Variants in TCERG1L observed in about 807,000 individuals in gnomAD.
TCERG1L encodes transcription elongation regulator 1-like protein.
In TCERG1L, 37 loss-of-function variants were observed where a neutral mutation model predicts 56.3. The ratio of observed to expected loss-of-function variants is 0.66; its 90% CI spans 0.51 to 0.87. The LOEUF is 0.87. Among genes scored for constraint, TCERG1L ranks in the 40% least tolerant of loss-of-function variants. The pLI is 0.00. For missense variants in TCERG1L, 799 were observed against 774.2 expected (o/e 1.03, Z -0.38); for synonymous variants, 324 against 326.3 (o/e 0.99, Z 0.08).
At chr10:131,171,006 C>T (rs1846087163) in intron 4 of TCERG1L, among the ~76,000 whole-genome samples, 1 of 152,064 alleles carries the variant, frequency 6.6e-6, no homozygotes, top group African/African-American at 2.4e-5. Context: ...ATTAGCTGGG[C>T]ATGGTGGTGT....
chr10:131,240,429 A>G lies in TCERG1L; in HGVS notation c.856+19830T>C, dbSNP rs189504981. Among the ~76,000 whole-genome samples, 376 of 152,256 alleles carry G rather than the reference A, an allele frequency of 2.5e-3. 5 individuals are homozygous for G. Among genetic ancestry groups the G allele is most frequent in the African/African-American group, 8.4e-3 (350 of 41,530 alleles). ...ATCTGTCTCTTCTTGCACCCCATAA[A>G]TTTCCTGAGAGCAGGGATTCTGGGC... On this transcript the variant is annotated intron_variant, in intron 4 of 11. Coordinates refer to ENST00000368642, the MANE Select transcript of TCERG1L (RefSeq NM_174937.4).
chr10:131,254,099 A>C (rs999550756), intron 4 of TCERG1L, among the ~76,000 whole-genome samples: 22 of 151,938 alleles, frequency 1.4e-4, no homozygotes, highest in Non-Finnish European at 3.2e-4. Flanking sequence ...GGTGGAGGAG[A>C]GCGTCCAGGC....
rs944580263 is a variant in TCERG1L, at chr10:131,264,939, C to T, written c.671-4495G>A. Among the ~76,000 whole-genome samples, 5 of 130,880 alleles carry T rather than the reference C, an allele frequency of 3.8e-5. No homozygotes were observed. In the South Asian group the frequency reaches 7.2e-4, roughly 19 times the overall value. 85.9% of individuals were successfully genotyped at this position (130,880 alleles called of 152,430 possible). On this transcript the variant is annotated intron_variant, in intron 3 of 11. Transcript: ENST00000368642. ...ATCACTCTGGCTCTAGACCTGTGTG[C>T]TGGTCAGTGAGGGAAAGAGAACGGG...
intron 4 of TCERG1L, among the ~76,000 whole-genome samples, chr10:131,214,603 AC>A (rs1845650254): frequency 6.6e-6 from 1 of 152,238 alleles, no homozygotes. Context: ...AATGCCTGAC[AC>A]CCAGGAAGTG....
chr10:131,133,360 C>G (rs192471833), intron 8 of TCERG1L, among the ~76,000 whole-genome samples: 1 of 152,196 alleles, frequency 6.6e-6, no homozygotes, highest in African/African-American at 2.4e-5. Flanking sequence ...AAAACGCATA[C>G]GACACTGAGA....
chr10:131,163,381 G>C lies in TCERG1L; in HGVS notation c.946-171C>G, dbSNP rs555189817. On this transcript the variant is annotated intron_variant, in intron 5 of 11. Coordinates refer to ENST00000368642, the MANE Select transcript of TCERG1L (RefSeq NM_174937.4). ...TGGCTGGGAGGTTCTGCCAGGAACA[G>C]GGAGTCAGTGCAGAGCAGACTGGGT... Among the ~76,000 whole-genome samples, 3 of 152,348 alleles carry C rather than the reference G, an allele frequency of 2.0e-5. No homozygotes were observed. In the South Asian group the frequency reaches 6.2e-4, roughly 32 times the overall value.
intron 4 of TCERG1L, among the ~76,000 whole-genome samples, chr10:131,177,430 G>A (rs757074081): frequency 3.3e-5 from 5 of 152,238 alleles, no homozygotes; most frequent in East Asian, 3.8e-4. Context: ...GTACGTAAAC[G>A]TGAACAAGCA....
rs7098917 is a variant in TCERG1L at position 131,186,859 on chromosome 10, G to A, written c.857-19974C>T. On this transcript the variant is annotated intron_variant, in intron 4 of 11. Transcript: ENST00000368642. Reference sequence around the variant, plus strand: ...TGGTTTTTGTTTTCTCCTCCCCAAGGAGGAAGATAATGTCTCGATTTACCC... The same window carrying A: ...TGGTTTTTGTTTTCTCCTCCCCAAGAAGGAAGATAATGTCTCGATTTACCC... 8.7e-3 allele frequency among the ~76,000 whole-genome samples: 1,325 copies of A among 152,318 alleles called. 18 individuals carry two copies. Among genetic ancestry groups the A allele is most frequent in the African/African-American group, 0.03 (1,252 of 41,578 alleles).
At chr10:131,310,138 T>C (rs761769553) in intron 1 of TCERG1L, among the ~76,000 whole-genome samples, 1 of 152,212 alleles carries the variant, frequency 6.6e-6, no homozygotes, top group Non-Finnish European at 1.5e-5. Flanking sequence ...AAAAGATTAA[T>C]GCTAAGGTTT....
intron 1 of TCERG1L, among the ~76,000 whole-genome samples, chr10:131,310,264 C>T (rs893528932): frequency 6.6e-6 from 1 of 152,110 alleles, no homozygotes. Flanking sequence ...TGATATAACA[C>T]CCCTCCAAAA....
At position 131,171,868 on chromosome 10, in the gene TCERG1L, G is replaced by A. The variant is rs1204474954; in HGVS notation, c.857-4983C>T. Among the ~76,000 whole-genome samples the A allele has an allele frequency of 3.9e-5, 6 of 152,278 alleles. No individual in the cohort carries two copies. The East Asian group carries it at 1.2e-3, about 29-fold the overall frequency. On this transcript the variant is annotated intron_variant, in intron 4 of 11. Coordinates refer to ENST00000368642, the MANE Select transcript of TCERG1L (RefSeq NM_174937.4). ...TTACAGGCGTGAGCCACTGCGCCTG[G>A]CCCAGGAATTTATTTTAACATTCAA...
At chr10:131,227,163 G>A (rs1235747172) in intron 4 of TCERG1L, among the ~76,000 whole-genome samples, 2 of 152,246 alleles carry the variant, frequency 1.3e-5, no homozygotes, top group African/African-American at 4.8e-5. Flanking sequence ...CCTAGCAAGG[G>A]CCTTTGTTTA....
chr10:131,283,173 T>G (rs1343212810), intron 3 of TCERG1L, among the ~76,000 whole-genome samples: 1 of 152,170 alleles, frequency 6.6e-6, no homozygotes, highest in Non-Finnish European at 1.5e-5. Flanking sequence ...CCAGCTACAG[T>G]GAGGAACGGC....
intron 6 of TCERG1L, among the ~76,000 whole-genome samples, chr10:131,156,486 A>G (rs2944531): frequency 0.89 from 135,756 of 152,066 alleles, 60,803 homozygotes; most frequent in East Asian, 1. Context: ...CCCTTTGAAA[A>G]ATGCTTACAC....
In TCERG1L at chr10:131,116,952, G is replaced by A. The variant is rs377494282; in HGVS notation, c.1260-18C>T. ...CTTCGGTCCTTCAGGAACACAAGAC[G>A]CAGAGTTAGACACACTCGTGGGGAC... On this transcript the variant is annotated intron_variant, in intron 8 of 11. Transcript: ENST00000368642. 6.2e-5 allele frequency: 99 copies of A among 1,603,568 alleles called. No homozygotes were observed. Among genetic ancestry groups the A allele is most frequent in the East Asian group, 3.6e-4 (16 of 44,550 alleles).
At chr10:131,187,060 A>G (rs886962650) in intron 4 of TCERG1L, among the ~76,000 whole-genome samples, 1 of 152,124 alleles carries the variant, frequency 6.6e-6, no homozygotes, top group Non-Finnish European at 1.5e-5. Flanking sequence ...TCACCCCTCC[A>G]ATGCACTCGC....
At chr10:131,205,056 T>C (rs1845502222) in intron 4 of TCERG1L, among the ~76,000 whole-genome samples, 1 of 152,074 alleles carries the variant, frequency 6.6e-6, no homozygotes. Flanking sequence ...ATCCAGCCTC[T>C]CCCAGACCAA....
intron 7 of TCERG1L, among the ~76,000 whole-genome samples, chr10:131,136,231 G>A (rs968847045): frequency 1.3e-5 from 2 of 152,214 alleles, no homozygotes; most frequent in Non-Finnish European, 2.9e-5. Context: ...CCTTCTGCGC[G>A]TGCTCCACAG....
At chr10:131,138,018 C>T (rs1845694326) in intron 7 of TCERG1L, among the ~76,000 whole-genome samples, 1 of 152,152 alleles carries the variant, frequency 6.6e-6, no homozygotes, top group South Asian at 2.1e-4. Flanking sequence ...TCTGTAATCC[C>T]AGCACTTTGG....
Sources: allele counts gnomAD v4.1 joint callset (sites outside exome capture counted in the v4.1 genomes callset), GRCh38; gene constraint gnomAD v4.1.1; transcripts MANE v1.5; gene names NCBI Gene and HGNC (gene_info 2026-07-23, HGNC 2026-07-21).